The following KIAA1217 variants were observed in gnomAD, a reference collection of about 807,000 sequenced individuals.
KIAA1217 encodes the protein sickle tail protein homolog.
KIAA1217 carries 88 observed loss-of-function variants against 163.9 expected under a neutral mutation model. The observed-to-expected ratio is 0.54, with a 90% confidence interval of 0.45 to 0.64. KIAA1217 has a LOEUF of 0.64. Among genes scored for constraint, KIAA1217 ranks in the 30% least tolerant of loss-of-function variants. The pLI is 0.00. For synonymous variants in KIAA1217, 903 were observed against 923.1 expected, an observed-to-expected ratio of 0.98 and a Z score of 0.39; for missense variants, 2,372 against 2,475.0, an observed-to-expected ratio of 0.96 and a Z score of 0.88.
intron 1 of KIAA1217, among the ~76,000 whole-genome samples, chr10:23,983,538 C>T (rs573427351): frequency 7.2e-5 from 11 of 152,124 alleles, no homozygotes; most frequent in South Asian, 4.1e-4. Context: ...CCAGATCTCA[C>T]GAGAACTCAC....
chr10:23,817,043 C>T (rs116210978), intron 1 of KIAA1217, among the ~76,000 whole-genome samples: 2,301 of 152,226 alleles, frequency 0.015, 33 homozygotes, highest in African/African-American at 0.043. Flanking sequence ...TCAGATAATC[C>T]GCATAGTTGG....
chr10:24,186,351 C>T (rs7914983), intron 2 of KIAA1217, among the ~76,000 whole-genome samples: 152,303 of 152,304 alleles, frequency 1, 76,151 homozygotes, highest in Non-Finnish European at 1. Flanking sequence ...ATACTTTACA[C>T]CTCTGAAGAC....
intron 2 of KIAA1217, among the ~76,000 whole-genome samples, chr10:24,122,959 G>C (rs958187203): frequency 6.6e-6 from 1 of 151,760 alleles, no homozygotes; most frequent in Non-Finnish European, 1.5e-5. Context: ...CCAAAAATAT[G>C]TTATTTTGCA....
intron 2 of KIAA1217, among the ~76,000 whole-genome samples, chr10:24,320,498 G>A (rs2043996732): frequency 6.6e-6 from 1 of 152,170 alleles, no homozygotes; most frequent in Non-Finnish European, 1.5e-5. Flanking sequence ...TTTGGTTAGA[G>A]TATTATTTAT....
At chr10:24,088,258 T>TAC (rs1564686029) in intron 2 of KIAA1217, among the ~76,000 whole-genome samples, 1,780 of 103,240 alleles carry the variant, frequency 0.017, 92 homozygotes, top group African/African-American at 0.054. Context: ...TTAATATACA[T>TAC]ATATATATAT....
intron 1 of KIAA1217, among the ~76,000 whole-genome samples, chr10:23,869,135 T>G (rs983779541): frequency 3.5e-5 from 5 of 142,520 alleles, no homozygotes; most frequent in African/African-American, 5.2e-5. Context: ...TTTTTTTTTT[T>G]TTTTTTTTTT....
Position 23,795,991 on chromosome 10 carries a change from C to G in KIAA1217, c.-321+100757C>G, listed in dbSNP as rs536071688. On this transcript the variant is annotated intron_variant, in intron 1 of 18. Coordinates refer to the KIAA1217 transcript ENST00000376462. ...TTTCAAGGCTAAGTGCCTGGAATTTCCCTTGAAAGAACTCAAAATTTTTCC... is the reference window on the plus strand; with the variant it reads ...TTTCAAGGCTAAGTGCCTGGAATTTGCCTTGAAAGAACTCAAAATTTTTCC... Among the ~76,000 whole-genome samples, 90 of 152,322 alleles carry G rather than the reference C, an allele frequency of 5.9e-4. 1 individual carries two copies. The highest frequency in any genetic ancestry group is 1.2e-3 in the Admixed American group (19 of 15,292).
Position 24,494,626 on chromosome 10 carries a change from G to T in KIAA1217, c.1784+22G>T, listed in dbSNP as rs751653054. ...CTAGGTAAAAAAGAAGAAAGCCAATGAAAAAAATAATTCAATCTGTTTCTC... is the reference window on the plus strand; with the variant it reads ...CTAGGTAAAAAAGAAGAAAGCCAATTAAAAAAATAATTCAATCTGTTTCTC... On this transcript the variant is annotated intron_variant, in intron 7 of 20. Transcript: ENST00000376454. 9 of 1,438,226 alleles carry T rather than the reference G, an allele frequency of 6.3e-6. No individual in the cohort carries two copies. In the Middle Eastern group the frequency reaches 5.3e-4, roughly 85 times the overall value. The allele number at this position is 1,438,226 out of a possible 1,614,324, so 89.1% of individuals were successfully genotyped here. A position where few individuals can be genotyped will look rare whatever the true frequency, so the allele number is the denominator to read the frequency against.
At chr10:24,527,496 AC>A (rs1445917796) in intron 13 of KIAA1217, among the ~76,000 whole-genome samples, 1 of 133,102 alleles carries the variant, frequency 7.5e-6, no homozygotes. Flanking sequence ...ACCCATTGCT[AC>A]TTAAAAAAAA....
rs200338973 is a variant in KIAA1217, at chr10:24,527,940, C to T, written c.2903C>T (p.Ala968Val). Residue 968 changes from alanine (A) to valine (V), a missense_variant, in exon 14 of 21, where the codon GCA (alanine) becomes GTA (valine). Ala to Val is a moderately conservative substitution (Grantham distance 64, BLOSUM62 0). Coordinates refer to ENST00000376454, the MANE Select transcript of KIAA1217 (RefSeq NM_019590.5). ...TTACGTGCTATATTCCTCCAGAAAGCAGAAAAGAAATGGGAGGAAAAAAGG... is the reference window on the plus strand; with the variant it reads ...TTACGTGCTATATTCCTCCAGAAAGTAGAAAAGAAATGGGAGGAAAAAAGG... Reference protein sequence around the residue: ...AKNRAVSIEKAEKKWEEKRQN... With the variant: ...AKNRAVSIEKVEKKWEEKRQN... 215 of 1,612,812 alleles carry T rather than the reference C, an allele frequency of 1.3e-4. 1 individual carries two copies. In the East Asian group the frequency reaches 4.2e-3, roughly 32 times the overall value.
At chr10:23,795,850 A>T (rs1194445822) in intron 1 of KIAA1217, among the ~76,000 whole-genome samples, 1 of 152,190 alleles carries the variant, frequency 6.6e-6, no homozygotes, top group Admixed American at 6.5e-5. Flanking sequence ...ACTCAAGAAG[A>T]TATGTTAAGA....
chr10:24,495,049 C>A, intron 7 of KIAA1217, 98 bp from the exon 8 acceptor site: 2 of 986,880 alleles, frequency 2.0e-6, no homozygotes, highest in Non-Finnish European at 3.1e-6. Flanking sequence ...AATCCCATCA[C>A]TGCCAATTGC....
Position 24,041,943 on chromosome 10 carries a change from CGTGT to C in KIAA1217, c.-171+34585_-171+34588del, listed in dbSNP as rs147819815. On this transcript the variant is annotated intron_variant, in intron 2 of 18. Transcript: ENST00000376462. ...GTAGTCTGTGCATGCAAGGGAGTAT[CGTGT>C]GTGTGTGTGTGTGTGCGTTTCATAT... Among the ~76,000 whole-genome samples the C allele has an allele frequency of 8.0e-5, 12 of 149,520 alleles. No individual in the cohort carries two copies. The South Asian group carries it at 1.7e-3, about 21-fold the overall frequency.
upstream of KIAA1217, among the ~76,000 whole-genome samples, chr10:24,206,489 A>G (rs1230582489): frequency 1.3e-5 from 2 of 152,210 alleles, no homozygotes; most frequent in Non-Finnish European, 2.9e-5. Context: ...AATCAGTGCT[A>G]AATTGTTAGG....
intron 2 of KIAA1217, among the ~76,000 whole-genome samples, chr10:24,313,125 A>T (rs779186918): frequency 2.2e-4 from 34 of 152,200 alleles, no homozygotes; most frequent in Non-Finnish European, 4.9e-4. Flanking sequence ...CACTGATGGT[A>T]TCCTTCTCTC....
intron 1 of KIAA1217, among the ~76,000 whole-genome samples, chr10:23,928,543 G>A (rs551412306): frequency 1.3e-5 from 2 of 152,196 alleles, no homozygotes; most frequent in Non-Finnish European, 2.9e-5. Flanking sequence ...CATTACTCTA[G>A]GGCCTGGGGA....
At chr10:24,080,362 C>G (rs952583949) in intron 2 of KIAA1217, among the ~76,000 whole-genome samples, 8 of 152,092 alleles carry the variant, frequency 5.3e-5, no homozygotes, top group Admixed American at 3.9e-4. Context: ...GAAGACGGAA[C>G]AAGAAGAAGG....
At chr10:23,933,184 C>T (rs924896256) in intron 1 of KIAA1217, among the ~76,000 whole-genome samples, 1 of 152,314 alleles carries the variant, frequency 6.6e-6, no homozygotes, top group African/African-American at 2.4e-5. Flanking sequence ...CCCAGCTTTA[C>T]GTCTTCCCTG....
chr10:23,749,643 G>T (rs1427550845), intron 1 of KIAA1217, among the ~76,000 whole-genome samples: 1 of 152,210 alleles, frequency 6.6e-6, no homozygotes, highest in East Asian at 1.9e-4. Flanking sequence ...TTGACCTTGT[G>T]ATCTGCCCAC....
Sources: gnomAD v4.1 joint callset for allele counts (sites outside exome capture counted in the v4.1 genomes callset) on GRCh38, gnomAD v4.1.1 for gene constraint, MANE v1.5 for transcripts, NCBI Gene and HGNC (gene_info 2026-07-23, HGNC 2026-07-21) for gene names.